Variants in THSD4 observed in about 807,000 individuals in gnomAD.
THSD4 encodes thrombospondin type-1 domain-containing protein 4.
Under a neutral mutation model 119.0 loss-of-function variants are expected in THSD4, and 69 were observed. The observed-to-expected ratio is 0.58, with a 90% CI of 0.48 to 0.71. The LOEUF (loss-of-function observed/expected upper bound fraction) is 0.71. Among genes scored for constraint, THSD4 ranks in the 30% least tolerant of loss-of-function variants. THSD4 has a pLI of 0.00. For missense variants in THSD4, 1,393 were observed against 1,391.1 expected (o/e 1.00, Z -0.02); for synonymous variants, 524 against 540.4 (o/e 0.97, Z 0.42).
intron 6 of THSD4, among the ~76,000 whole-genome samples, chr15:71,290,465 T>C (rs2044774895): frequency 6.6e-6 from 1 of 152,172 alleles, no homozygotes; most frequent in Non-Finnish European, 1.5e-5. Context: ...AGTGTCTCTT[T>C]GGGATCTCCA....
intron 7 of THSD4, among the ~76,000 whole-genome samples, chr15:71,493,614 A>G (rs776439357): frequency 2.4e-4 from 36 of 152,192 alleles, no homozygotes; most frequent in Non-Finnish European, 4.0e-4. Context: ...TGAGACCTCC[A>G]TAGACCTCAG....
At chr15:71,210,971 T>C (rs2043884116) in intron 3 of THSD4, among the ~76,000 whole-genome samples, 1 of 152,156 alleles carries the variant, frequency 6.6e-6, no homozygotes, top group South Asian at 2.1e-4. Context: ...TTATATAGTA[T>C]TTTTGAGTAT....
intron 1 of THSD4, among the ~76,000 whole-genome samples, chr15:71,117,330 G>T (rs2040371890): frequency 6.6e-6 from 1 of 152,146 alleles, no homozygotes; most frequent in African/African-American, 2.4e-5. Flanking sequence ...GGAGATTTTT[G>T]ACTTGGAGTT....
At chr15:71,649,685 A>G (rs534107135) in intron 7 of THSD4, among the ~76,000 whole-genome samples, 42 of 152,296 alleles carry the variant, frequency 2.8e-4, no homozygotes, top group African/African-American at 9.1e-4. Context: ...GCCAGTTCCT[A>G]TGTCCAGAAT....
chr15:71,547,549 A>G (rs1473886408), intron 7 of THSD4: 20 of 1,518,890 alleles, frequency 1.3e-5, no homozygotes, highest in Non-Finnish European at 1.7e-5. Flanking sequence ...TCTTCTATCT[A>G]CCAAGAGGGA....
intron 3 of THSD4, among the ~76,000 whole-genome samples, chr15:71,161,522 G>T (rs2043249494): frequency 6.6e-6 from 1 of 151,798 alleles, no homozygotes; most frequent in Non-Finnish European, 1.5e-5. Flanking sequence ...TACAGTTTTG[G>T]ATTTAAAGTC....
intron 7 of THSD4, among the ~76,000 whole-genome samples, chr15:71,610,986 G>A (rs574907157): frequency 1.3e-5 from 2 of 152,206 alleles, no homozygotes; most frequent in South Asian, 4.2e-4. Flanking sequence ...GAAGGACTGG[G>A]GTATGGAAAA....
intron 14 of THSD4, 115 bp downstream of exon 14, chr15:71,748,709 G>A (rs961726852): frequency 1.2e-5 from 15 of 1,265,858 alleles, no homozygotes; most frequent in East Asian, 1.0e-4. Context: ...GCTCTGGGGG[G>A]AAAAAAAAGG....
At chr15:71,282,966 ATTTTTT>A (rs573742429) in intron 6 of THSD4, among the ~76,000 whole-genome samples, 2 of 131,018 alleles carry the variant, frequency 1.5e-5, no homozygotes, top group Admixed American at 7.7e-5. Context: ...GGCAGGTTAG[ATTTTTT>A]TTTTTTTTTT....
At chr15:71,738,574 T>C (rs1442992045) in intron 11 of THSD4, among the ~76,000 whole-genome samples, 1 of 152,194 alleles carries the variant, frequency 6.6e-6, no homozygotes, top group East Asian at 1.9e-4. Context: ...GGAAAAGGTG[T>C]GTTGGCAAAG....
At chr15:71,223,852 G>T (rs573395047) in intron 4 of THSD4, among the ~76,000 whole-genome samples, 2 of 152,298 alleles carry the variant, frequency 1.3e-5, no homozygotes, top group Non-Finnish European at 2.9e-5. Flanking sequence ...TGATTAGTTT[G>T]CATTTTTTAG....
intron 16 of THSD4, 124 bp downstream of exon 16, chr15:71,765,323 T>G (rs1315730168): frequency 8.4e-7 from 1 of 1,191,454 alleles, no homozygotes; most frequent in African/African-American, 1.5e-5. Flanking sequence ...GCAATCTACC[T>G]TAGGTGGTAG....
intron 10 of THSD4, among the ~76,000 whole-genome samples, chr15:71,736,004 C>T (rs1310937950): frequency 2.0e-5 from 3 of 149,370 alleles, no homozygotes; most frequent in African/African-American, 7.5e-5. Flanking sequence ...CTCTGTCTCT[C>T]TTGCTCTCTG....
At chr15:71,656,321 C>T (rs1180944477) in intron 7 of THSD4, among the ~76,000 whole-genome samples, 4 of 152,068 alleles carry the variant, frequency 2.6e-5, no homozygotes, top group Non-Finnish European at 5.9e-5. Context: ...TGAAAGACCA[C>T]CGAAACTCTC....
intron 7 of THSD4, among the ~76,000 whole-genome samples, chr15:71,443,555 G>C (rs181046939): frequency 6.6e-6 from 1 of 152,160 alleles, no homozygotes; most frequent in African/African-American, 2.4e-5. Context: ...CATTGAAACA[G>C]CCCTTTGAAA....
chr15:71,700,215 T>G (rs910287676), intron 8 of THSD4, among the ~76,000 whole-genome samples: 4 of 152,294 alleles, frequency 2.6e-5, no homozygotes, highest in African/African-American at 9.6e-5. Flanking sequence ...GAAAAACTAT[T>G]AGACCTAATC....
At chr15:71,405,454 T>C (rs1008937624) in intron 6 of THSD4, among the ~76,000 whole-genome samples, 2 of 152,220 alleles carry the variant, frequency 1.3e-5, no homozygotes, top group Non-Finnish European at 2.9e-5. Context: ...CAGTATTTTT[T>C]CCCTAATGAA....
intron 2 of THSD4, among the ~76,000 whole-genome samples, chr15:71,142,949 G>A (rs2040619364): frequency 6.6e-6 from 1 of 152,222 alleles, no homozygotes; most frequent in African/African-American, 2.4e-5. Flanking sequence ...CAGGGCTAGA[G>A]CATTTGCCAA....
intron 7 of THSD4, among the ~76,000 whole-genome samples, chr15:71,596,446 A>G (rs542673324): frequency 2.0e-5 from 3 of 152,334 alleles, no homozygotes; most frequent in South Asian, 2.1e-4. Flanking sequence ...TCAGTGCCTC[A>G]TCTTCCAGAA....
Sources: allele counts gnomAD v4.1 joint callset (sites outside exome capture counted in the v4.1 genomes callset), GRCh38; gene constraint gnomAD v4.1.1; transcripts MANE v1.5; gene names NCBI Gene and HGNC (gene_info 2026-07-23, HGNC 2026-07-21).